MICU1: variants seen among roughly 807,000 people sequenced by gnomAD.
MICU1 encodes mitochondrial calcium uptake 1.
A neutral mutation model predicts 56.8 loss-of-function variants in MICU1; 45 were observed. The observed-to-expected ratio is 0.79, with a 90% CI of 0.62 to 1.02. The LOEUF is 1.02. MICU1 is among the 50% of genes least tolerant of loss of function. The pLI is 0.00. For missense variants in MICU1, 504 were observed against 587.1 expected (o/e 0.86, Z 1.46); for synonymous variants, 186 against 195.1 (o/e 0.95, Z 0.39).
intron 3 of MICU1, among the ~76,000 whole-genome samples, chr10:72,561,384 A>G (rs1840291128): frequency 6.6e-6 from 1 of 152,248 alleles, no homozygotes; most frequent in Non-Finnish European, 1.5e-5. Context: ...CTTTGAATTC[A>G]CTCAGGGCAA....
At chr10:72,562,364 G>A (rs1307254784) in intron 3 of MICU1, among the ~76,000 whole-genome samples, 1 of 151,908 alleles carries the variant, frequency 6.6e-6, no homozygotes, top group Non-Finnish European at 1.5e-5. Context: ...ACATTGGCCA[G>A]GTTGGTCTTG....
At chr10:72,477,118 A>G (rs1378546193) in intron 7 of MICU1, 56 bp downstream of exon 7, 1 of 1,356,130 alleles carries the variant, frequency 7.4e-7, no homozygotes, top group Non-Finnish European at 1.0e-6. Flanking sequence ...TCCAAGGCAC[A>G]TGAAAATGTA....
chr10:72,493,205 AC>A (rs1866724152), intron 6 of MICU1, among the ~76,000 whole-genome samples: 2 of 151,600 alleles, frequency 1.3e-5, no homozygotes, highest in African/African-American at 4.9e-5. Flanking sequence ...ATACACACAC[AC>A]ACACACCCAC....
At chr10:72,480,343 C>A (rs75885525) in intron 6 of MICU1, among the ~76,000 whole-genome samples, 1 of 152,136 alleles carries the variant, frequency 6.6e-6, no homozygotes, top group South Asian at 2.1e-4. Context: ...TGATTTCAGA[C>A]GGGATCTGCT....
chr10:72,419,384 T>C (rs977255921), intron 9 of MICU1, among the ~76,000 whole-genome samples: 9 of 152,186 alleles, frequency 5.9e-5, no homozygotes, highest in African/African-American at 2.2e-4. Context: ...TTTCCATTAA[T>C]GATGAGTCTT....
intron 9 of MICU1, among the ~76,000 whole-genome samples, chr10:72,412,371 T>G (rs1202458300): frequency 6.6e-6 from 1 of 152,222 alleles, no homozygotes; most frequent in African/African-American, 2.4e-5. Context: ...TGACTAATTG[T>G]TCAACAAACT....
At chr10:72,384,702 G>A (rs1239613057) in intron 10 of MICU1, among the ~76,000 whole-genome samples, 1 of 152,184 alleles carries the variant, frequency 6.6e-6, no homozygotes, top group East Asian at 1.9e-4. Flanking sequence ...GGCCTCTGCA[G>A]AGAAAATGCC....
intron 9 of MICU1, among the ~76,000 whole-genome samples, chr10:72,420,982 A>G (rs898546860): frequency 1.4e-5 from 2 of 144,448 alleles, no homozygotes; most frequent in African/African-American, 5.1e-5. Flanking sequence ...AGCCTGGGCA[A>G]CAAGAGCGAA....
At chr10:72,568,870 A>G (rs1446955227) in intron 1 of MICU1, among the ~76,000 whole-genome samples, 2 of 146,444 alleles carry the variant, frequency 1.4e-5, no homozygotes, top group Admixed American at 7.2e-5. Flanking sequence ...CTCCTGTCTC[A>G]GCCTCCTGGG....
intron 9 of MICU1, among the ~76,000 whole-genome samples, chr10:72,420,946 G>A (rs1198277307): frequency 1.4e-5 from 2 of 145,920 alleles, no homozygotes; most frequent in Non-Finnish European, 3.0e-5. Flanking sequence ...AGGTTGCGAT[G>A]AGCCGAGATC....
chr10:72,552,821 T>C (rs1353461859), intron 3 of MICU1, among the ~76,000 whole-genome samples: 1 of 152,262 alleles, frequency 6.6e-6, no homozygotes, highest in Non-Finnish European at 1.5e-5. Context: ...CCCAAAGTGC[T>C]GGGATTACAG....
chr10:72,395,052 G>A (rs894534453), intron 10 of MICU1, among the ~76,000 whole-genome samples: 2 of 152,010 alleles, frequency 1.3e-5, no homozygotes, highest in South Asian at 2.1e-4. Flanking sequence ...GGTGGCGGGT[G>A]CCTGTAATCC....
intron 10 of MICU1, among the ~76,000 whole-genome samples, chr10:72,377,058 C>T (rs1359173188): frequency 6.6e-6 from 1 of 152,070 alleles, no homozygotes; most frequent in Admixed American, 6.6e-5. Context: ...TTGCACCAGA[C>T]TTCTTCCAAC....
In MICU1 at chr10:72,458,166, C is replaced by CA. The variant is rs111890564; in HGVS notation, c.933+16933dup. ...GGGCAACAAGAGTAAAAATCCATCT[C>CA]AAAAAAAAAAAAGAAAGAAAAGAAA... On this transcript the variant is annotated intron_variant, in intron 8 of 11. Transcript: ENST00000361114. 3.6e-3 allele frequency among the ~76,000 whole-genome samples: 420 copies of CA among 116,950 alleles called. 1 individual carries two copies. Among genetic ancestry groups the CA allele is most frequent in the East Asian group, 1.0e-2 (41 of 4,118 alleles). The allele number at this position is 116,950 out of a possible 152,430, so 76.7% of individuals were successfully genotyped here. A position where few individuals can be genotyped will look rare whatever the true frequency, so the allele number is the denominator to read the frequency against.
At chr10:72,482,124 T>C (rs951708973) in intron 6 of MICU1, among the ~76,000 whole-genome samples, 2 of 152,224 alleles carry the variant, frequency 1.3e-5, no homozygotes, top group Non-Finnish European at 2.9e-5. Flanking sequence ...CCTGAGACTT[T>C]CACTGGTTGA....
At chr10:72,373,180 A>AT (rs751527368) in intron 11 of MICU1, among the ~76,000 whole-genome samples, 4,701 of 133,250 alleles carry the variant, frequency 0.035, 202 homozygotes, top group African/African-American at 0.11. Flanking sequence ...TTGTTTGTTC[A>AT]TTTTTTTTTT....
chr10:72,454,873 T>C (rs1018120972), intron 8 of MICU1, among the ~76,000 whole-genome samples: 1 of 151,102 alleles, frequency 6.6e-6, no homozygotes, highest in Non-Finnish European at 1.5e-5. Flanking sequence ...GACTGAGAAA[T>C]GCTAGGAGTT....
intron 10 of MICU1, among the ~76,000 whole-genome samples, chr10:72,390,424 G>C (rs1227459683): frequency 6.6e-6 from 1 of 152,154 alleles, no homozygotes; most frequent in Non-Finnish European, 1.5e-5. Flanking sequence ...GGCAGCAGGA[G>C]TGCTGCAAGA....
At chr10:72,421,250 C>CTTTT (rs547514567) in intron 9 of MICU1, among the ~76,000 whole-genome samples, 2 of 151,416 alleles carry the variant, frequency 1.3e-5, no homozygotes, top group African/African-American at 4.9e-5. Flanking sequence ...TTCTTTCTTT[C>CTTTT]TTTTTTTCTT....
Sources: gnomAD v4.1 joint callset for allele counts (sites outside exome capture counted in the v4.1 genomes callset) on GRCh38, gnomAD v4.1.1 for gene constraint, MANE v1.5 for transcripts, NCBI Gene and HGNC (gene_info 2026-07-23, HGNC 2026-07-21) for gene names.